Variants in TECTA observed in about 807,000 individuals in gnomAD.
TECTA encodes alpha-tectorin.
TECTA carries 128 observed loss-of-function variants against 216.8 expected under a neutral mutation model. That is an observed-to-expected ratio of 0.59 (90% CI 0.51 to 0.68). TECTA has a LOEUF of 0.68. Ranked by LOEUF, TECTA falls within the 30% of genes least tolerant of loss-of-function variation. TECTA has a pLI of 0.00. For missense variants in TECTA, 2,551 were observed against 2,786.2 expected, an observed-to-expected ratio of 0.92 and a Z score of 1.90; for synonymous variants, 1,089 against 1,117.1, an observed-to-expected ratio of 0.97 and a Z score of 0.50.
chr11:121,125,207 G>A (rs1280615264), intron 7 of TECTA, 95 bp from the exon 8 acceptor site: 8 of 1,268,874 alleles, frequency 6.3e-6, no homozygotes, highest in Non-Finnish European at 9.1e-6. Context: ...TCTCTCTGGA[G>A]TGTTGAGTTG....
At chr11:121,161,152 C>T (rs144739368) in intron 15 of TECTA, among the ~76,000 whole-genome samples, 1 of 152,324 alleles carries the variant, frequency 6.6e-6, no homozygotes, top group East Asian at 1.9e-4. Context: ...CTCTTTGACT[C>T]TGCCCCAAGT....
In TECTA at chr11:121,157,899, A is replaced by C. The variant is rs1201913325; in HGVS notation, c.4364A>C (p.Asn1455Thr). The C allele has an allele frequency of 6.2e-7, 1 of 1,614,234 alleles. No individual in the cohort carries two copies. The highest frequency in any genetic ancestry group is 8.5e-7 in the Non-Finnish European group (1 of 1,180,040). Residue 1455 changes from asparagine (N) to threonine (T), a missense_variant, in exon 14 of 24, where the codon AAC (asparagine) becomes ACC (threonine). By Grantham distance (65) the Asn-to-Thr change is moderately conservative. Around this residue, in one of 3 missense-constraint regions of TECTA, gnomAD observed 2,375 missense variants for 2,563.9 expected, o/e 0.93. Transcript: ENST00000392793. ...CTRRCRCFRRNVIQCDPRQCK... is the reference protein window; with the variant it reads ...CTRRCRCFRRTVIQCDPRQCK... ...CGGCGCTGCCGCTGTTTCCGTCGCA[A>C]CGTGATTCAGTGCGACCCGCGCCAA...
At chr11:121,179,393 A>G (rs1387147943) in intron 20 of TECTA, among the ~76,000 whole-genome samples, 1 of 152,126 alleles carries the variant, frequency 6.6e-6, no homozygotes, top group Non-Finnish European at 1.5e-5. Flanking sequence ...GTGGTCTGAG[A>G]AGATAGTTGA....
In TECTA at chr11:121,105,971, G is replaced by A. The variant is rs901184838; in HGVS notation, c.198+7G>A. On this transcript the variant is annotated splice_region_variant and intron_variant, in intron 3 of 23. Coordinates refer to ENST00000392793, the MANE Select transcript of TECTA (RefSeq NM_005422.4). The surrounding 1 kb of genome is among the most constrained non-coding windows in gnomAD (Gnocchi z 5.3). The stretch of plus-strand genomic sequence containing the variant: ...TCCTTACCGCACTGTCTATGTAAGT[G>A]GAGAAGCAGCCCATCTGTTGTTCTC... The A allele has an allele frequency of 1.9e-6, 3 of 1,614,206 alleles. No homozygotes were observed. Among genetic ancestry groups the A allele is most frequent in the East Asian group, 2.2e-5 (1 of 44,892 alleles).
chr11:121,167,654 T>C (rs1201152028), intron 18 of TECTA, among the ~76,000 whole-genome samples: 1 of 152,226 alleles, frequency 6.6e-6, no homozygotes, highest in East Asian at 1.9e-4. Context: ...ATGTTGGTCC[T>C]TGTAGGCATG....
At position 121,160,306 on chromosome 11, in the gene TECTA, C is replaced by G. The variant is rs1946985835; in HGVS notation, c.4861C>G (p.Leu1621Val). ...SERLQNKVCGLCGNFNGDLTD... is the reference protein window; with the variant it reads ...SERLQNKVCGVCGNFNGDLTD... ...GAGGCTGCAGAACAAAGTGTGCGGT[C>G]TCTGTGGCAACTTCAACGGGGACCT... The change falls in exon 15 of 24, where the codon CTC (leucine) becomes GTC (valine). Residue 1621 changes from leucine to valine, a missense_variant. Around this residue, in one of 3 missense-constraint regions of TECTA, gnomAD observed 2,375 missense variants for 2,563.9 expected, o/e 0.93. Transcript: ENST00000392793. 6.2e-7 allele frequency: 1 copy of G among 1,614,058 alleles called. No homozygotes were observed. The highest frequency in any genetic ancestry group is 8.5e-7 in the Non-Finnish European group (1 of 1,180,042).
intron 4 of TECTA, chr11:121,109,792 G>A (rs1046198130): frequency 2.5e-6 from 1 of 404,876 alleles, no homozygotes; most frequent in African/African-American, 2.1e-5. Context: ...TGTTTTGCAG[G>A]AGAGTGCTTG....
intron 2 of TECTA, among the ~76,000 whole-genome samples, chr11:121,103,459 T>G (rs914908678): frequency 2.0e-5 from 3 of 152,172 alleles, no homozygotes; most frequent in Non-Finnish European, 4.4e-5. Flanking sequence ...GCAGTGCTAA[T>G]ATTTTTCCAG....
rs1231064806 is a variant in TECTA at position 121,130,032 on chromosome 11, G to A, written c.2762G>A (p.Ser921Asn). ...RCGIINDPSN[S>N]SFLECHGVVN... is the part of the protein sequence containing the mutation. ...GGCATCATCAACGACCCCTCCAACA[G>A]CTCCTTCCTGGAGTGCCATGGGGTG... Residue 921 changes from serine (S) to asparagine (N), a missense_variant, in exon 10 of 24, where the codon AGC (serine) becomes AAC (asparagine). Coordinates refer to ENST00000392793, the MANE Select transcript of TECTA (RefSeq NM_005422.4). The A allele has an allele frequency of 6.2e-7, 1 of 1,612,700 alleles. No individual in the cohort carries two copies. The highest frequency in any genetic ancestry group is 8.5e-7 in the Non-Finnish European group (1 of 1,178,994).
chr11:121,106,012 T>C (rs1946387127), intron 3 of TECTA, 48 bp downstream of exon 3: 1 of 1,613,944 alleles, frequency 6.2e-7, no homozygotes, highest in African/African-American at 1.3e-5. Context: ...CTCCCTTTTG[T>C]TTGTCATTAA....
chr11:121,156,991 C>A (rs1415506179), intron 13 of TECTA, among the ~76,000 whole-genome samples: 1 of 152,140 alleles, frequency 6.6e-6, no homozygotes, highest in Non-Finnish European at 1.5e-5. Context: ...AATGAAGGTA[C>A]TTCCATCAGA....
Position 121,155,878 on chromosome 11 carries a change from C to A in TECTA, c.4306-1963C>A, listed in dbSNP as rs145720410. Reference sequence around the variant, plus strand: ...GCAAACCCTACCAAGCAGAGTCGTGCCTGCAGATTGCTGCCTGTTTTGGGA... The same window carrying A: ...GCAAACCCTACCAAGCAGAGTCGTGACTGCAGATTGCTGCCTGTTTTGGGA... On this transcript the variant is annotated intron_variant, in intron 13 of 23. Transcript: ENST00000392793. Among the ~76,000 whole-genome samples the A allele has an allele frequency of 5.8e-3, 890 of 152,238 alleles. 10 individuals are homozygous for A. The highest frequency in any genetic ancestry group is 0.02 in the African/African-American group (842 of 41,526).
chr11:121,113,369 A>AC lies in TECTA; in HGVS notation c.624+163dup, dbSNP rs199948178. ...GAGGCTAGTCCTGCCCATGTTTGGC[A>AC]CCCTGACTCGGCTATGAAATGAACT... On this transcript the variant is annotated intron_variant, in intron 5 of 23. Transcript: ENST00000392793. The surrounding 1 kb of genome is among the most constrained non-coding windows in gnomAD (Gnocchi z 4.2). Among the ~76,000 whole-genome samples the AC allele has an allele frequency of 7.9e-3, 1,195 of 152,130 alleles. 16 individuals carry two copies. The highest frequency in any genetic ancestry group is 0.027 in the African/African-American group (1,138 of 41,486).
chr11:121,115,911 C>T (rs1565518962), intron 6 of TECTA, among the ~76,000 whole-genome samples: 5 of 152,176 alleles, frequency 3.3e-5, no homozygotes, highest in African/African-American at 9.7e-5. Context: ...CCCATCTCAG[C>T]CTTCCAAAGC....
At position 121,162,183 on chromosome 11, in the gene TECTA, C is replaced by A. The variant is rs756875239; in HGVS notation, c.5085C>A (p.Thr1695=). ...GTGATGGCTACTGCCTGAAGCTCACCGACATGAAGGGCTTCTTCCAGCCCT... is the reference window on the plus strand; with the variant it reads ...GTGATGGCTACTGCCTGAAGCTCACAGACATGAAGGGCTTCTTCCAGCCCT... ...MQGDGYCLKL[T]DMKGFFQPCY... The change falls in exon 16 of 24, where the codon ACC becomes ACA. Residue 1695 remains threonine, a synonymous_variant. Transcript: ENST00000392793. The A allele has an allele frequency of 6.2e-7, 1 of 1,614,170 alleles. No homozygotes were observed. The highest frequency in any genetic ancestry group is 1.7e-5 in the Admixed American group (1 of 60,026).
chr11:121,178,939 T>G (rs1314938575), intron 20 of TECTA, among the ~76,000 whole-genome samples: 1 of 152,186 alleles, frequency 6.6e-6, no homozygotes, highest in African/African-American at 2.4e-5. Flanking sequence ...TAGTATTATC[T>G]TCTTTTTTAT....
Position 121,158,140 on chromosome 11 carries a change from G to T in TECTA, c.4605G>T (p.Ser1535=). 6.2e-7 allele frequency: 1 copy of T among 1,614,154 alleles called. No homozygotes were observed. Among genetic ancestry groups the T allele is most frequent in the Non-Finnish European group, 8.5e-7 (1 of 1,180,044 alleles). The part of the protein sequence containing the change: ...FQLIINFDKW[S]APNLTIISPV... ...TTATCATCAACTTCGACAAGTGGTC[G>T]GCCCCCAACCTCACCATCATTTCGC... The change falls in exon 14 of 24, where the codon TCG becomes TCT. Residue 1535 remains serine (S), a synonymous_variant. Transcript: ENST00000392793.
At chr11:121,128,715 A>G (rs142691968) in intron 9 of TECTA, among the ~76,000 whole-genome samples, 6 of 152,330 alleles carry the variant, frequency 3.9e-5, no homozygotes, top group Non-Finnish European at 7.3e-5. Flanking sequence ...TAACTTCCAC[A>G]GGGACACCTA....
chr11:121,178,491 C>G (rs1213095687), intron 20 of TECTA, among the ~76,000 whole-genome samples: 1 of 145,892 alleles, frequency 6.9e-6, no homozygotes, highest in East Asian at 2.0e-4. Context: ...ATTTTTGCAT[C>G]TATGTTTAGA....
Sources: gnomAD v4.1 joint callset for allele counts (sites outside exome capture counted in the v4.1 genomes callset) on GRCh38, gnomAD v4.1.1 for gene constraint, gnomAD v4.1.1 regional missense constraint, Gnocchi (gnomAD v3.1) non-coding constraint, MANE v1.5 for transcripts, NCBI Gene and HGNC (gene_info 2026-07-23, HGNC 2026-07-21) for gene names.